The following GBE1 variants were observed in gnomAD, a reference collection of about 807,000 sequenced individuals.
GBE1 encodes 1,4-alpha-glucan-branching enzyme.
GBE1 carries 70 observed loss-of-function variants against 88.8 expected under a neutral mutation model. That is an observed-to-expected ratio of 0.79 (90% CI 0.65 to 0.96). The LOEUF (loss-of-function observed/expected upper bound fraction) is 0.96. GBE1 is among the 40% of genes least tolerant of loss of function. The pLI is 0.00. For missense variants in GBE1, 872 were observed against 871.0 expected (o/e 1.00, Z -0.01); for synonymous variants, 284 against 300.1 (o/e 0.95, Z 0.56).
intron 2 of GBE1, among the ~76,000 whole-genome samples, chr3:81,692,721 C>T (rs1480701335): frequency 1.3e-5 from 2 of 152,096 alleles, no homozygotes; most frequent in Non-Finnish European, 2.9e-5. Flanking sequence ...AAGGCAAGTA[C>T]TGAATACAAG....
Position 81,685,601 on chromosome 3 carries a change from T to C in GBE1, c.314-14648A>G, listed in dbSNP as rs1450972519. Among the ~76,000 whole-genome samples, 3 of 152,170 alleles carry C rather than the reference T, an allele frequency of 2.0e-5. No homozygotes were observed. In the East Asian group the frequency reaches 5.8e-4, roughly 30 times the overall value. ...TTCACCACGTTGGCCAGGCTAGTCT[T>C]GAACTCCTGATCTCAGGCGATCCAT... is the stretch of plus-strand genomic sequence containing the variant. On this transcript the variant is annotated intron_variant, in intron 2 of 15. Transcript: ENST00000429644.
chr3:81,712,344 T>C (rs1348765810), intron 1 of GBE1, among the ~76,000 whole-genome samples: 9 of 152,192 alleles, frequency 5.9e-5, no homozygotes, highest in African/African-American at 9.7e-5. Context: ...TATAGACACA[T>C]GCACATGTAT....
At chr3:81,676,105 G>T (rs1031072657) in intron 2 of GBE1, among the ~76,000 whole-genome samples, 2 of 151,992 alleles carry the variant, frequency 1.3e-5, no homozygotes, top group African/African-American at 2.4e-5. Flanking sequence ...TACATATAAT[G>T]TATAAAATAA....
chr3:81,693,410 C>CA (rs896363603), intron 2 of GBE1, among the ~76,000 whole-genome samples: 5 of 151,478 alleles, frequency 3.3e-5, no homozygotes, highest in African/African-American at 4.8e-5. Flanking sequence ...ATTTTTATAC[C>CA]AAAAAAATCA....
At chr3:81,647,286 T>G (rs2107068544) in intron 5 of GBE1, among the ~76,000 whole-genome samples, 1 of 152,318 alleles carries the variant, frequency 6.6e-6, no homozygotes, top group African/African-American at 2.4e-5. Context: ...CAGTCAGCAT[T>G]AATGCTTCTA....
chr3:81,680,068 G>A lies in GBE1; in HGVS notation c.314-9115C>T, dbSNP rs570091344. On this transcript the variant is annotated intron_variant, in intron 2 of 15. Coordinates refer to ENST00000429644, the MANE Select transcript of GBE1 (RefSeq NM_000158.4). ...GTGCTCCAGTGTATAATCTATCTTT[G>A]TAGACGTTCCACAGATCCTTGAAAA... 3.9e-5 allele frequency among the ~76,000 whole-genome samples: 6 copies of A among 152,218 alleles called. No individual in the cohort carries two copies. In the South Asian group the frequency reaches 1.2e-3, roughly 32 times the overall value.
chr3:81,619,455 T>C (rs368266952), intron 7 of GBE1, among the ~76,000 whole-genome samples: 1 of 152,174 alleles, frequency 6.6e-6, no homozygotes, highest in Non-Finnish European at 1.5e-5. Context: ...ATCATGCTAA[T>C]TTTTTAAAAC....
intron 1 of GBE1, among the ~76,000 whole-genome samples, chr3:81,720,211 T>G (rs1706002831): frequency 6.6e-6 from 1 of 152,110 alleles, no homozygotes; most frequent in South Asian, 2.1e-4. Flanking sequence ...AGTGGCTGCC[T>G]ACATATTGGC....
intron 11 of GBE1, among the ~76,000 whole-genome samples, chr3:81,579,307 T>G (rs1703688866): frequency 6.6e-6 from 1 of 152,114 alleles, no homozygotes. Flanking sequence ...TTATCAGGCT[T>G]AAGAATCAAA....
chr3:81,662,101 C>T (rs920377781), intron 3 of GBE1, among the ~76,000 whole-genome samples: 3 of 152,124 alleles, frequency 2.0e-5, no homozygotes, highest in African/African-American at 4.8e-5. Context: ...GGCACAATCT[C>T]GGCTCACCGC....
chr3:81,629,633 C>A (rs1704476951), intron 7 of GBE1, among the ~76,000 whole-genome samples: 1 of 152,154 alleles, frequency 6.6e-6, no homozygotes, highest in Non-Finnish European at 1.5e-5. Context: ...TCATTCAATG[C>A]AGTTCACATG....
At chr3:81,679,067 C>T (rs1191886481) in intron 2 of GBE1, among the ~76,000 whole-genome samples, 6 of 152,020 alleles carry the variant, frequency 3.9e-5, no homozygotes, top group Non-Finnish European at 7.4e-5. Context: ...GATGAAACAA[C>T]ACTAGCTAAA....
chr3:81,653,060 G>A (rs1704873604), intron 3 of GBE1, among the ~76,000 whole-genome samples: 1 of 152,170 alleles, frequency 6.6e-6, no homozygotes, highest in East Asian at 1.9e-4. Flanking sequence ...ATGTTTAAAA[G>A]AGTTCACTTG....
chr3:81,738,538 A>T lies in GBE1; in HGVS notation c.143+22837T>A, dbSNP rs551304844. Among the ~76,000 whole-genome samples the T allele has an allele frequency of 5.0e-3, 765 of 151,736 alleles. 2 individuals are homozygous for T. Among genetic ancestry groups the T allele is most frequent in the African/African-American group, 0.018 (734 of 41,386 alleles). On this transcript the variant is annotated intron_variant, in intron 1 of 15. Coordinates refer to ENST00000429644, the MANE Select transcript of GBE1 (RefSeq NM_000158.4). ...GCAAAAAATGTGTGTTTTTTTTTTAAAAAAAAAGACTCTTCACAGGTTGGA... is the reference window on the plus strand; with the variant it reads ...GCAAAAAATGTGTGTTTTTTTTTTATAAAAAAAGACTCTTCACAGGTTGGA...
intron 14 of GBE1, among the ~76,000 whole-genome samples, chr3:81,506,504 G>A (rs1055763716): frequency 5.3e-5 from 8 of 152,182 alleles, no homozygotes; most frequent in African/African-American, 1.7e-4. Flanking sequence ...GTGGAAGACA[G>A]TGTGGTGATT....
intron 8 of GBE1, among the ~76,000 whole-genome samples, chr3:81,591,594 T>C (rs925635996): frequency 1.8e-4 from 27 of 152,196 alleles, no homozygotes; most frequent in African/African-American, 6.0e-4. Context: ...ACATAATATT[T>C]ATATATTATT....
At chr3:81,676,419 G>A (rs559325291) in intron 2 of GBE1, among the ~76,000 whole-genome samples, 411 of 152,014 alleles carry the variant, frequency 2.7e-3, no homozygotes, top group Non-Finnish European at 4.6e-3. Flanking sequence ...GGAGTCCAGC[G>A]TATTTTAATT....
intron 1 of GBE1, among the ~76,000 whole-genome samples, chr3:81,752,374 TAGTAAACTC>T (rs547057066): frequency 4.3e-4 from 66 of 152,336 alleles, no homozygotes; most frequent in African/African-American, 1.5e-3. Flanking sequence ...CTCCTGCTAT[TAGTAAACTC>T]AGTATGACCA....
chr3:81,733,607 C>T lies in GBE1; in HGVS notation c.143+27768G>A, dbSNP rs1306305451. ...CACCAGACAGTGCATGACTAATTCC[C>T]CTGCAGGTCTTTCCACAAATGTCAG... is the stretch of plus-strand genomic sequence containing the variant. On this transcript the variant is annotated intron_variant, in intron 1 of 15. Transcript: ENST00000429644. This position sits in a 1 kb window ranked among gnomAD's most constrained non-coding sequence, Gnocchi z 4.0. 6.6e-6 allele frequency among the ~76,000 whole-genome samples: 1 copy of T among 152,044 alleles called. No homozygotes were observed. The highest frequency in any genetic ancestry group is 1.5e-5 in the Non-Finnish European group (1 of 68,012).
Sources: gnomAD v4.1 joint callset for allele counts (sites outside exome capture counted in the v4.1 genomes callset) on GRCh38, gnomAD v4.1.1 for gene constraint, Gnocchi (gnomAD v3.1) non-coding constraint, MANE v1.5 for transcripts, NCBI Gene and HGNC (gene_info 2026-07-23, HGNC 2026-07-21) for gene names.